The following LZTR1 variants were observed in gnomAD, a reference collection of about 807,000 sequenced individuals.
The protein encoded by LZTR1 is leucine zipper like post translational regulator 1.
In LZTR1, 260 loss-of-function variants were observed where a neutral mutation model predicts 105.7. The observed-to-expected ratio is 2.46, with a 90% CI of 2.22 to 2.72. The LOEUF is 2.72. Among genes scored for constraint, LZTR1 ranks in the 30% most tolerant of loss-of-function variants. The probability of loss-of-function intolerance (pLI) is 0.00; values close to 1 mark genes in which losing one functional copy is unlikely to be tolerated. For missense variants in LZTR1, 1,214 were observed against 1,166.9 expected (o/e 1.04, Z -0.59); for synonymous variants, 490 against 476.4 (o/e 1.03, Z -0.37).
At chr22:20,997,210 T>C in intron 20 of LZTR1, 22 bp from the exon 21 acceptor site, 1 of 1,535,930 alleles carries the variant, frequency 6.5e-7, no homozygotes, top group Non-Finnish European at 9.0e-7. Context: ...TCCCATCTCC[T>C]TCCGGCCTGC....
chr22:20,994,472 C>G, intron 14 of LZTR1, 86 bp from the exon 15 acceptor site: 1 of 1,455,480 alleles, frequency 6.9e-7, no homozygotes, highest in Non-Finnish European at 9.4e-7. Flanking sequence ...GGCCCCAGCC[C>G]ACACTCTTCC....
intron 2 of LZTR1, 39 bp downstream of exon 2, chr22:20,983,128 G>A (rs764133338): frequency 2.5e-6 from 4 of 1,573,058 alleles, no homozygotes; most frequent in East Asian, 2.2e-5. Context: ...ACCAGGTAGG[G>A]AGAAGTACTG....
In LZTR1 at chr22:20,988,076, A is replaced by G. The variant is rs765597291; in HGVS notation, c.467A>G (p.Lys156Arg). The change falls in exon 5 of 21, where the codon AAG becomes AGG. Residue 156 changes from lysine to arginine, a missense_variant. By Grantham distance (26) the Lys-to-Arg change is conservative. Coordinates refer to ENST00000646124, the MANE Select transcript of LZTR1 (RefSeq NM_006767.4). ...LKNKNDLFEY[K>R]FATGQWTEWK... Reference sequence around the variant, plus strand: ...AATAAAAACGACCTCTTTGAATACAAGTTTGCAACTGGCCAGTGGACGGAG... The same window carrying G: ...AATAAAAACGACCTCTTTGAATACAGGTTTGCAACTGGCCAGTGGACGGAG... 8 of 1,613,402 alleles carry G rather than the reference A, an allele frequency of 5.0e-6. No homozygotes were observed. In the African/African-American group the frequency reaches 5.3e-5, roughly 11 times the overall value.
In LZTR1 at chr22:20,994,746, G is replaced by C; in HGVS notation, c.1785+19G>C. 2 of 1,610,356 alleles carry C rather than the reference G, an allele frequency of 1.2e-6. No homozygotes were observed. The highest frequency in any genetic ancestry group is 2.2e-5 in the South Asian group (2 of 91,052). ...ACTCAAGGTGTGGGGTGGGGTCAGCGCAATCAGGGTTGGGTGGGGTGTGCT... is the reference window on the plus strand; with the variant it reads ...ACTCAAGGTGTGGGGTGGGGTCAGCCCAATCAGGGTTGGGTGGGGTGTGCT... On this transcript the variant is annotated intron_variant, in intron 15 of 20. Coordinates refer to ENST00000646124, the MANE Select transcript of LZTR1 (RefSeq NM_006767.4).
intron 18 of LZTR1, chr22:20,996,396 A>G: frequency 5.1e-6 from 3 of 593,254 alleles, no homozygotes; most frequent in Middle Eastern, 4.5e-4. Flanking sequence ...GAGCACAGAC[A>G]TGGAGGTACT....
rs1320289741 is a variant in LZTR1 at position 20,997,926 on chromosome 22, G to C, written c.*578G>C. 6.6e-6 allele frequency: 1 copy of C among 152,616 alleles called. No individual in the cohort carries two copies. Among genetic ancestry groups the C allele is most frequent in the Non-Finnish European group, 1.5e-5 (1 of 68,382 alleles). 9.5% of individuals were successfully genotyped at this position (152,616 alleles called of 1,614,324 possible). On this transcript the variant is annotated 3_prime_UTR_variant, in exon 21 of 21. Coordinates refer to ENST00000646124, the MANE Select transcript of LZTR1 (RefSeq NM_006767.4). Reference sequence around the variant, plus strand: ...CCTGACTTGAGGTGAATTTTGGAGTGAAGGGCCCTGAGGTCAGCTCCCAGG... The same window carrying C: ...CCTGACTTGAGGTGAATTTTGGAGTCAAGGGCCCTGAGGTCAGCTCCCAGG...
chr22:20,992,881 A>C lies in LZTR1; in HGVS notation c.1237A>C (p.Ser413Arg). 6.2e-7 allele frequency: 1 copy of C among 1,607,354 alleles called. No individual in the cohort carries two copies. The highest frequency in any genetic ancestry group is 8.5e-7 in the Non-Finnish European group (1 of 1,176,648). The change falls in exon 11 of 21, where the codon AGC (serine) becomes CGC (arginine). Residue 413 changes from serine (S) to arginine (R), a missense_variant. By Grantham distance (110) the Ser-to-Arg change is moderately radical (BLOSUM62 -1). Transcript: ENST00000646124. ...GGGCACGGTGGACAACAACATCCGC[A>C]GCGGGGAGATGTACAGGTTCCAGGT... ...FGGTVDNNIRSGEMYRFQFSC... is the reference protein window; with the variant it reads ...FGGTVDNNIRRGEMYRFQFSC...
rs984104866 is a variant in LZTR1, at chr22:20,988,790, T to C, written c.511T>C (p.Leu171=). The C allele has an allele frequency of 1.9e-6, 3 of 1,613,618 alleles. No individual in the cohort carries two copies. The highest frequency in any genetic ancestry group is 2.5e-6 in the Non-Finnish European group (3 of 1,179,584). ...CTCCCCTCTTCCCTCACACTCCAGGTTGCCAGTCGCTAGGTCAGCCCATGG... is the reference window on the plus strand; with the variant it reads ...CTCCCCTCTTCCCTCACACTCCAGGCTGCCAGTCGCTAGGTCAGCCCATGG... The part of the protein sequence containing the change: ...QWTEWKIEGR[L]PVARSAHGAT... Residue 171 remains leucine (L), a splice_region_variant and synonymous_variant, in exon 6 of 21, where the codon TTG becomes CTG. Transcript: ENST00000646124.
intron 8 of LZTR1, chr22:20,991,405 G>A: frequency 1.8e-6 from 1 of 567,940 alleles, no homozygotes; most frequent in East Asian, 2.9e-5. Flanking sequence ...GGGGAGCTCT[G>A]GCAGGACCCT....
Position 20,996,747 on chromosome 22 carries a change from G to T in LZTR1, c.2271G>T (p.Gln757His). The T allele has an allele frequency of 6.2e-7, 1 of 1,613,556 alleles. No individual in the cohort carries two copies. The highest frequency in any genetic ancestry group is 8.5e-7 in the Non-Finnish European group (1 of 1,180,014). The change falls in exon 19 of 21, where the codon CAG (glutamine) becomes CAT (histidine). Residue 757 changes from glutamine to histidine, a missense_variant. Coordinates refer to ENST00000646124, the MANE Select transcript of LZTR1 (RefSeq NM_006767.4). The stretch of plus-strand genomic sequence containing the variant: ...ACGGCTTCTACAACAACCGGCTGCA[G>T]GCGTACTGCAAGCAGAACCTGGAGA... The part of the protein sequence containing the change: ...YYYGFYNNRL[Q>H]AYCKQNLEMN...
Position 20,982,565 on chromosome 22 carries a change from G to A in LZTR1, c.194G>A (p.Gly65Asp). 6.2e-7 allele frequency: 1 copy of A among 1,611,756 alleles called. No homozygotes were observed. Among genetic ancestry groups the A allele is most frequent in the Non-Finnish European group, 8.5e-7 (1 of 1,179,276 alleles). ...CTCCCGCCCTGCGACGAGTTCGTGG[G>A]TGCCCGGTACGGTGGGCTTCATGGG... ...RRLPPCDEFV[G>D]ARRSKHTVVA... The change falls in exon 1 of 21, where the codon GGT becomes GAT. Residue 65 changes from glycine to aspartate, a missense_variant. Gly to Asp is a moderately conservative substitution (Grantham distance 94). Transcript: ENST00000646124.
At chr22:20,991,539 G>A (rs1272500318) in intron 8 of LZTR1, 89 bp from the exon 9 acceptor site, 2 of 1,037,064 alleles carry the variant, frequency 1.9e-6, no homozygotes, top group East Asian at 2.6e-5. Context: ...GATGCAGGGG[G>A]ACCTCCCAGT....
At position 20,989,671 on chromosome 22, in the gene LZTR1, T is replaced by C. The variant is rs1292721559; in HGVS notation, c.640T>C (p.Cys214Arg). Residue 214 changes from cysteine (C) to arginine (R), a missense_variant, in exon 7 of 21, where the codon TGC (cysteine) becomes CGC (arginine). Physicochemically the swap from Cys to Arg is radical, Grantham distance 180 (BLOSUM62 -3). Coordinates refer to ENST00000646124, the MANE Select transcript of LZTR1 (RefSeq NM_006767.4). The stretch of plus-strand genomic sequence containing the variant: ...TGGCCTCCAGGACCGAGAGCTCACC[T>C]GCTGGGAGGAGGTGAGGGGCGTGGG... Reference protein sequence around the residue: ...TIGLQDRELTCWEEVAQSGEI... With the variant: ...TIGLQDRELTRWEEVAQSGEI... 1 of 1,611,100 alleles carries C rather than the reference T, an allele frequency of 6.2e-7. No homozygotes were observed. Among genetic ancestry groups the C allele is most frequent in the Non-Finnish European group, 8.5e-7 (1 of 1,179,272 alleles).
intron 2 of LZTR1, among the ~76,000 whole-genome samples, chr22:20,983,389 C>T (rs186910697): frequency 2.0e-5 from 3 of 152,336 alleles, no homozygotes; most frequent in Admixed American, 2.0e-4. Flanking sequence ...TTGCGGCCAG[C>T]CCTGCCAGGC....
At position 20,996,023 on chromosome 22, in the gene LZTR1, C is replaced by T. The variant is rs149449207; in HGVS notation, c.2130C>T (p.Ile710=). The change falls in exon 18 of 21, where the codon ATC becomes ATT. Residue 710 remains isoleucine (I), a synonymous_variant. Coordinates refer to ENST00000646124, the MANE Select transcript of LZTR1 (RefSeq NM_006767.4). ...MPEDGQVNIS[I]GEMVPSRQAF... ...AAGATGGGCAGGTGAACATCTCCAT[C>T]GGGGAGATGGTGCCCAGCAGGCAGG... 197 of 1,613,404 alleles carry T rather than the reference C, an allele frequency of 1.2e-4. No individual in the cohort carries two copies. The highest frequency in any genetic ancestry group is 1.6e-4 in the Non-Finnish European group (185 of 1,179,896).
At position 20,995,782 on chromosome 22, in the gene LZTR1, AG is replaced by A; in HGVS notation, c.1982del (p.Gly661GlufsTer46). On this transcript the variant is annotated frameshift_variant, in exon 17 of 21. Coordinates refer to ENST00000646124, the MANE Select transcript of LZTR1 (RefSeq NM_006767.4). LOFTEE classifies it high-confidence loss of function. Reference protein sequence around the residue: ...SLIQDMKAYLEGAGAEFCDIT... With the variant: ...SLIQDMKAYLXGAGAEFCDIT... ...ATCCAGGACATGAAGGCATACCTGG[AG>A]GGAGCGGGCGCGGAATTCTGTGACA... 4 of 1,613,558 alleles carry A rather than the reference AG, an allele frequency of 2.5e-6. No homozygotes were observed. Among genetic ancestry groups the A allele is most frequent in the Non-Finnish European group, 2.5e-6 (3 of 1,179,988 alleles).
At chr22:20,989,920 G>A (rs1924541315) in intron 7 of LZTR1, among the ~76,000 whole-genome samples, 1 of 152,142 alleles carries the variant, frequency 6.6e-6, no homozygotes, top group African/African-American at 2.4e-5. Flanking sequence ...GTTCCTCACT[G>A]TGGCTGCACA....
chr22:20,989,112 C>T (rs182632776), intron 6 of LZTR1, among the ~76,000 whole-genome samples: 82 of 152,350 alleles, frequency 5.4e-4, no homozygotes, highest in African/African-American at 1.9e-3. Flanking sequence ...GGATCCTCAG[C>T]CAGGAGTTGC....
chr22:20,984,843 T>G (rs1459779158), intron 2 of LZTR1, among the ~76,000 whole-genome samples: 2 of 152,202 alleles, frequency 1.3e-5, no homozygotes, highest in Non-Finnish European at 2.9e-5. Context: ...TCCCAAGGGC[T>G]GGGTAGTGAT....
Sources: gnomAD v4.1 joint callset for allele counts (sites outside exome capture counted in the v4.1 genomes callset) on GRCh38, gnomAD v4.1.1 for gene constraint, MANE v1.5 for transcripts, NCBI Gene and HGNC (gene_info 2026-07-23, HGNC 2026-07-21) for gene names.